SHANK2: variants seen among roughly 807,000 people sequenced by gnomAD.
The protein encoded by SHANK2 is SH3 and multiple ankyrin repeat domains protein 2.
Under a neutral mutation model 133.7 loss-of-function variants are expected in SHANK2, and 43 were observed. That is an observed-to-expected ratio of 0.32 (90% CI 0.25 to 0.41). The LOEUF (loss-of-function observed/expected upper bound fraction) is 0.41, where lower values mean the gene tolerates loss of function less well. Among genes scored for constraint, SHANK2 ranks in the 10% least tolerant of loss-of-function variants. The pLI, the probability that SHANK2 is intolerant of heterozygous loss-of-function variation, is 1.00. For missense variants in SHANK2, 1,994 were observed against 2,235.8 expected (o/e 0.89, Z 2.18); for synonymous variants, 1,017 against 952.8 (o/e 1.07, Z -1.24).
intron 17 of SHANK2, among the ~76,000 whole-genome samples, chr11:70,639,747 A>C (rs574568972): frequency 6.6e-6 from 1 of 152,220 alleles, no homozygotes; most frequent in East Asian, 1.9e-4. Flanking sequence ...GGCCAGGGAC[A>C]TGAAGGTGCC....
chr11:71,124,975 C>T (rs1952156418), intron 3 of SHANK2, among the ~76,000 whole-genome samples: 2 of 152,282 alleles, frequency 1.3e-5, no homozygotes, highest in South Asian at 2.1e-4. Flanking sequence ...TTAGGATGAT[C>T]TGTGGTCAGT....
chr11:71,115,094 C>T (rs1951953974), intron 4 of SHANK2, among the ~76,000 whole-genome samples: 1 of 152,144 alleles, frequency 6.6e-6, no homozygotes, highest in South Asian at 2.1e-4. Context: ...AGACTGATGC[C>T]CGCCCCTAAT....
intron 13 of SHANK2, among the ~76,000 whole-genome samples, chr11:70,801,413 T>C (rs1268419855): frequency 1.3e-5 from 2 of 152,130 alleles, no homozygotes; most frequent in Non-Finnish European, 2.9e-5. Context: ...CTTCTGGGTT[T>C]CTGGTTGTGC....
intron 17 of SHANK2, among the ~76,000 whole-genome samples, chr11:70,590,018 G>A (rs1297998875): frequency 2.6e-5 from 4 of 152,230 alleles, no homozygotes; most frequent in South Asian, 4.1e-4. Flanking sequence ...AGCCAGGCGC[G>A]GTGGCGGGCG....
At chr11:70,812,852 C>T (rs1163582923) in intron 12 of SHANK2, among the ~76,000 whole-genome samples, 2 of 152,010 alleles carry the variant, frequency 1.3e-5, no homozygotes, top group Non-Finnish European at 2.9e-5. Flanking sequence ...TTCTAACCAA[C>T]TTGTTTTGGT....
At chr11:70,576,459 C>T (rs573156835) in intron 17 of SHANK2, among the ~76,000 whole-genome samples, 2 of 151,798 alleles carry the variant, frequency 1.3e-5, no homozygotes, top group Admixed American at 6.6e-5. Flanking sequence ...ATGGTGAAAC[C>T]CTGTCTCTAC....
rs557810386 is a variant in SHANK2, at chr11:70,762,535, G to A, written c.1777+35908C>T. ...TGTGGTGCCAAGTGTCCGGGTGCTT[G>A]GAGACCACCCCAGGGTGCTGCCCCT... On this transcript the variant is annotated intron_variant, in intron 14 of 25. Transcript: ENST00000601538. 4.6e-5 allele frequency among the ~76,000 whole-genome samples: 7 copies of A among 152,276 alleles called. No homozygotes were observed. In the South Asian group the frequency reaches 1.0e-3, roughly 23 times the overall value.
Position 70,852,736 on chromosome 11 carries a change from G to T in SHANK2, c.1175-32054C>A, listed in dbSNP as rs190647606. Among the ~76,000 whole-genome samples the T allele has an allele frequency of 5.8e-3, 878 of 152,330 alleles. 7 individuals are homozygous for T. Among genetic ancestry groups the T allele is most frequent in the African/African-American group, 0.02 (824 of 41,576 alleles). Reference sequence around the variant, plus strand: ...TGCATGCCTGTAGTCCCAGCTACTTGGGAAGTTGAGGCAGGAGAATCGCTT... The same window carrying T: ...TGCATGCCTGTAGTCCCAGCTACTTTGGAAGTTGAGGCAGGAGAATCGCTT... On this transcript the variant is annotated intron_variant, in intron 11 of 25. Transcript: ENST00000601538.
At chr11:71,132,127 A>C in intron 3 of SHANK2, among the ~76,000 whole-genome samples, 1 of 152,210 alleles carries the variant, frequency 6.6e-6, no homozygotes, top group Non-Finnish European at 1.5e-5. Flanking sequence ...TGCTGCTCAG[A>C]AGCTGTGGTG....
chr11:70,919,680 C>G (rs1555080435), intron 10 of SHANK2, among the ~76,000 whole-genome samples: 2 of 152,228 alleles, frequency 1.3e-5, no homozygotes, highest in Non-Finnish European at 2.9e-5. Flanking sequence ...CAGTGCCCAG[C>G]TGATCTCAAA....
intron 11 of SHANK2, among the ~76,000 whole-genome samples, chr11:70,845,215 A>G (rs797030558): frequency 5.5e-4 from 82 of 149,348 alleles, no homozygotes; most frequent in East Asian, 4.5e-3. Flanking sequence ...AAAAAAAAAA[A>G]AAAAGAAAAA....
intron 20 of SHANK2, among the ~76,000 whole-genome samples, chr11:70,501,428 G>T (rs2059050240): frequency 6.6e-6 from 1 of 152,228 alleles, no homozygotes; most frequent in African/African-American, 2.4e-5. Flanking sequence ...CTGGACCGTG[G>T]GCCTTGGGCG....
chr11:70,739,743 CT>C lies in SHANK2; in HGVS notation c.1778-40981del, dbSNP rs1565282693. Among the ~76,000 whole-genome samples, 2 of 152,180 alleles carry C rather than the reference CT, an allele frequency of 1.3e-5. No individual in the cohort carries two copies. The highest frequency in any genetic ancestry group is 4.8e-5 in the African/African-American group (2 of 41,432). ...ATGTGACTGTATTTGGAGATAAGGT[CT>C]TTAAAGAGGTGATTAAGTTAAAACG... is the stretch of plus-strand genomic sequence containing the variant. On this transcript the variant is annotated intron_variant, in intron 14 of 25. Coordinates refer to ENST00000601538, the MANE Select transcript of SHANK2 (RefSeq NM_012309.5). This position sits in a 1 kb window ranked among gnomAD's most constrained non-coding sequence, Gnocchi z 4.3.
At chr11:70,621,714 A>T (rs1477882121) in intron 17 of SHANK2, among the ~76,000 whole-genome samples, 1 of 152,216 alleles carries the variant, frequency 6.6e-6, no homozygotes, top group Non-Finnish European at 1.5e-5. Context: ...AAGTGAGTGT[A>T]GAAGGGGAGA....
rs538751641 is a variant in SHANK2 at position 70,703,464 on chromosome 11, G to A, written c.1778-4701C>T. Among the ~76,000 whole-genome samples the A allele has an allele frequency of 4.0e-4, 61 of 152,264 alleles. No individual in the cohort carries two copies. In the South Asian group the frequency reaches 7.9e-3, roughly 20 times the overall value. On this transcript the variant is annotated intron_variant, in intron 14 of 25. Coordinates refer to ENST00000601538, the MANE Select transcript of SHANK2 (RefSeq NM_012309.5). ...CTGGAAAAAGCGGGGTGGGCTAGAC[G>A]GCCCTTGGGACCCTGCCCCCAGTGT... is the stretch of plus-strand genomic sequence containing the variant.
At chr11:71,058,174 C>A (rs985802756) in intron 9 of SHANK2, among the ~76,000 whole-genome samples, 8 of 152,182 alleles carry the variant, frequency 5.3e-5, no homozygotes, top group Admixed American at 1.3e-4. Context: ...GGATTACAGG[C>A]GTGAGCCACT....
Position 70,470,330 on chromosome 11 carries a change from A to ATGTGGCT in SHANK2, c.*2532_*2538dup, listed in dbSNP as rs1435696944. 1 of 152,262 alleles carries ATGTGGCT rather than the reference A, an allele frequency of 6.6e-6. No individual in the cohort carries two copies. The highest frequency in any genetic ancestry group is 1.5e-5 in the Non-Finnish European group (1 of 68,050). The allele number at this position is 152,262 out of a possible 1,614,324, so 9.4% of individuals were successfully genotyped here. On this transcript the variant is annotated 3_prime_UTR_variant, in exon 26 of 26. Coordinates refer to ENST00000601538, the MANE Select transcript of SHANK2 (RefSeq NM_012309.5). ...AGCCAGCTTGCTTGTGGTTAGTGGC[A>ATGTGGCT]TGTGGCTTGGAGTATCTTTAAGAAA...
intron 25 of SHANK2, among the ~76,000 whole-genome samples, chr11:70,482,822 T>C (rs1161194895): frequency 2.6e-5 from 4 of 152,172 alleles, no homozygotes; most frequent in Non-Finnish European, 5.9e-5. Flanking sequence ...GAAGTCTGCT[T>C]TGAGCCAGCC....
At chr11:70,613,316 G>C (rs995862594) in intron 17 of SHANK2, among the ~76,000 whole-genome samples, 1 of 151,768 alleles carries the variant, frequency 6.6e-6, no homozygotes, top group East Asian at 1.9e-4. Flanking sequence ...CCATTCTCCT[G>C]CCTCCGCCTC....
Sources: allele counts gnomAD v4.1 joint callset (sites outside exome capture counted in the v4.1 genomes callset), GRCh38; gene constraint gnomAD v4.1.1; non-coding constraint Gnocchi (gnomAD v3.1); transcripts MANE v1.5; gene names NCBI Gene and HGNC (gene_info 2026-07-23, HGNC 2026-07-21).